The following PRELID2 variants were observed in gnomAD, a reference collection of about 807,000 sequenced individuals.
The protein encoded by PRELID2 is PRELI domain containing 2.
In PRELID2, 25 loss-of-function variants were observed where a neutral mutation model predicts 28.4. The ratio of observed to expected loss-of-function variants is 0.88; its 90% CI spans 0.64 to 1.23. The LOEUF (loss-of-function observed/expected upper bound fraction) is 1.23. Ranked by LOEUF, PRELID2 falls within the 50% of genes most tolerant of loss-of-function variation. The pLI is 0.00. For missense variants in PRELID2, 201 were observed against 214.4 expected, an observed-to-expected ratio of 0.94 and a Z score of 0.39; for synonymous variants, 76 against 71.6, an observed-to-expected ratio of 1.06 and a Z score of -0.31.
chr5:145,770,445 A>G (rs2149780571), intron 5 of PRELID2, among the ~76,000 whole-genome samples: 1 of 152,312 alleles, frequency 6.6e-6, no homozygotes, highest in South Asian at 2.1e-4. Context: ...TTGAGGCTGC[A>G]GTGAACTATG....
At chr5:145,591,006 A>G (rs903725085) in intron 1 of PRELID2, among the ~76,000 whole-genome samples, 2 of 152,196 alleles carry the variant, frequency 1.3e-5, no homozygotes, top group African/African-American at 4.8e-5. Context: ...TAAGAATTTA[A>G]GTTCCTTGGC....
the PRELID2 span, among the ~76,000 whole-genome samples, chr5:145,362,982 A>C: frequency 1.3e-5 from 2 of 151,934 alleles, no homozygotes; most frequent in African/African-American, 4.8e-5. Context: ...TTAAATCTTT[A>C]GACCTTACAC....
intron 1 of PRELID2, among the ~76,000 whole-genome samples, chr5:145,655,122 C>T (rs1159544992): frequency 6.0e-5 from 9 of 151,228 alleles, no homozygotes; most frequent in East Asian, 1.9e-4. Flanking sequence ...AACAGAGAGC[C>T]AAATCATGAG....
chr5:145,518,135 TATAATAATA>T (rs56385008), intron 1 of PRELID2, among the ~76,000 whole-genome samples: 38,013 of 142,294 alleles, frequency 0.27, 5,679 homozygotes, highest in East Asian at 0.7. Flanking sequence ...GAACTTGAAG[TATAATAATA>T]ATAATAATAA....
intron 1 of PRELID2, among the ~76,000 whole-genome samples, chr5:145,643,727 T>C (rs986603066): frequency 3.9e-5 from 6 of 152,042 alleles, no homozygotes; most frequent in Non-Finnish European, 8.8e-5. Flanking sequence ...CATGAAGGGG[T>C]GTTGAATTTT....
At chr5:145,652,198 T>C (rs1258104640) in intron 1 of PRELID2, among the ~76,000 whole-genome samples, 1 of 151,902 alleles carries the variant, frequency 6.6e-6, no homozygotes, top group Admixed American at 6.6e-5. Context: ...AAGAGAAGTT[T>C]AGAAAAAAAG....
At chr5:145,335,110 C>A in the PRELID2 span, among the ~76,000 whole-genome samples, 4 of 151,918 alleles carry the variant, frequency 2.6e-5, no homozygotes, top group Non-Finnish European at 5.9e-5. Flanking sequence ...GTGTATCAGT[C>A]CACTTGATGG....
chr5:145,517,832 T>A (rs1268006666), intron 1 of PRELID2, among the ~76,000 whole-genome samples: 1 of 152,102 alleles, frequency 6.6e-6, no homozygotes, highest in Non-Finnish European at 1.5e-5. Context: ...TGAATTCATG[T>A]CCTTTGCAGG....
chr5:145,229,819 G>GC, the PRELID2 span: 1 of 759,602 alleles, frequency 1.3e-6, no homozygotes. Flanking sequence ...GAATTTGTCC[G>GC]CCCCTGCATC....
intron 1 of PRELID2, among the ~76,000 whole-genome samples, chr5:145,728,062 T>C (rs1336051495): frequency 1.3e-5 from 2 of 152,206 alleles, no homozygotes; most frequent in Admixed American, 6.5e-5. Context: ...TAATTCAGAA[T>C]ATTCCTGTCT....
chr5:145,461,604 A>T, the PRELID2 span, among the ~76,000 whole-genome samples: 34,694 of 152,162 alleles, frequency 0.23, 4,256 homozygotes, highest in South Asian at 0.35. Context: ...GCCCGGCCTT[A>T]ACTTCTAATC....
chr5:145,308,572 T>C, the PRELID2 span, among the ~76,000 whole-genome samples: 5 of 152,312 alleles, frequency 3.3e-5, no homozygotes, highest in Admixed American at 2.0e-4. Context: ...TCTATCTATC[T>C]ATCTGTGGAC....
chr5:145,656,358 T>A (rs962828041), intron 1 of PRELID2, among the ~76,000 whole-genome samples: 1 of 152,146 alleles, frequency 6.6e-6, no homozygotes. Context: ...TCCTCAATGA[T>A]CTAGAACTAG....
the PRELID2 span, among the ~76,000 whole-genome samples, chr5:145,289,906 T>C: frequency 3.3e-5 from 5 of 152,204 alleles, no homozygotes; most frequent in Non-Finnish European, 7.3e-5. Flanking sequence ...TGTTTTTTGG[T>C]GAGGTATTTT....
rs535876544 is a variant in PRELID2, at chr5:145,619,210, C to G, written n.70+145721G>C. ...AACTTCTGGCCAGGAGGTTTCTCCA[C>G]TGGTTCAAAGTTCAAAAGTTCAAAG... On this transcript the variant is annotated intron_variant and non_coding_transcript_variant, in intron 1 of 2. Transcript: ENST00000510259. Among the ~76,000 whole-genome samples, 3 of 152,326 alleles carry G rather than the reference C, an allele frequency of 2.0e-5. No individual in the cohort carries two copies. In the South Asian group the frequency reaches 6.2e-4, roughly 32 times the overall value.
chr5:145,479,399 G>A (rs184521708), intron 1 of PRELID2, among the ~76,000 whole-genome samples: 1 of 152,170 alleles, frequency 6.6e-6, no homozygotes, highest in African/African-American at 2.4e-5. Context: ...CCATGGCCTG[G>A]AACACTCCTA....
intron 1 of PRELID2, among the ~76,000 whole-genome samples, chr5:145,475,249 A>T (rs1425838290): frequency 6.6e-6 from 1 of 152,214 alleles, no homozygotes; most frequent in Non-Finnish European, 1.5e-5. Flanking sequence ...GCCAACATTC[A>T]AGTGATCTAA....
intron 1 of PRELID2, among the ~76,000 whole-genome samples, chr5:145,697,265 G>C (rs974166314): frequency 6.6e-6 from 1 of 151,844 alleles, no homozygotes; most frequent in Admixed American, 6.6e-5. Context: ...CTGTGTGCAA[G>C]TCTTGCCTGG....
At chr5:145,273,546 G>T in the PRELID2 span, among the ~76,000 whole-genome samples, 1 of 152,118 alleles carries the variant, frequency 6.6e-6, no homozygotes, top group African/African-American at 2.4e-5. Flanking sequence ...AGGATTGGGT[G>T]TGACTCATAA....
Sources: gnomAD v4.1 joint callset for allele counts (sites outside exome capture counted in the v4.1 genomes callset) on GRCh38, gnomAD v4.1.1 for gene constraint, MANE v1.5 for transcripts, NCBI Gene and HGNC (gene_info 2026-07-23, HGNC 2026-07-21) for gene names.